PGBD5: variants seen among roughly 807,000 people sequenced by gnomAD.
PGBD5 encodes piggyBac transposable element derived 5, also known as piggyBac transposable element-derived protein 5.
Under a neutral mutation model 47.9 loss-of-function variants are expected in PGBD5, and 14 were observed. The ratio of observed to expected loss-of-function variants is 0.29; its 90% confidence interval spans 0.19 to 0.46. PGBD5 has a LOEUF of 0.46. Ranked by LOEUF, PGBD5 falls within the 20% of genes least tolerant of loss-of-function variation. PGBD5 has a pLI of 1.00. For synonymous variants in PGBD5, 316 were observed against 306.3 expected (o/e 1.03, Z -0.33); for missense variants, 635 against 716.0 (o/e 0.89, Z 1.29).
chr1:230,332,952 C>T lies in PGBD5; in HGVS notation c.1165G>A (p.Ala389Thr). ...SMLTNPATPP[A>T]RGQYQIKMKG... ...ATCTTGATTTGGTACTGGCCCCGGGCCGGGGGTGTGGCTGGGTTGGTCAGC... is the reference window on the plus strand; with the variant it reads ...ATCTTGATTTGGTACTGGCCCCGGGTCGGGGGTGTGGCTGGGTTGGTCAGC... Residue 389 changes from alanine (A) to threonine (T), a missense_variant, in exon 5 of 7, where the codon GCC (alanine) becomes ACC (threonine). Physicochemically the swap from Ala to Thr is moderately conservative, Grantham distance 58 (BLOSUM62 0). Transcript: ENST00000391860. 1 of 1,614,162 alleles carries T rather than the reference C, an allele frequency of 6.2e-7. No homozygotes were observed. Among genetic ancestry groups the T allele is most frequent in the Non-Finnish European group, 8.5e-7 (1 of 1,180,004 alleles).
intron 4 of PGBD5, 147 bp from the exon 5 acceptor site, chr1:230,333,188 G>A (rs1298657972): frequency 1.3e-6 from 1 of 777,510 alleles, no homozygotes; most frequent in East Asian, 2.7e-5. Context: ...GACCCCTCTA[G>A]AAGAGACTGC....
At chr1:230,345,744 G>C (rs76533671) in intron 3 of PGBD5, among the ~76,000 whole-genome samples, 1 of 152,238 alleles carries the variant, frequency 6.6e-6, no homozygotes, top group Non-Finnish European at 1.5e-5. Context: ...AGGCGATCAC[G>C]AGGGTAAACA....
At chr1:230,395,261 C>G (rs1323815972) in intron 1 of PGBD5, among the ~76,000 whole-genome samples, 1 of 42,488 alleles carries the variant, frequency 2.4e-5, no homozygotes, top group African/African-American at 1.2e-4. Flanking sequence ...TTCTCCCCCC[C>G]TCACGCTTCT....
chr1:230,363,290 G>A (rs544126869), intron 1 of PGBD5, among the ~76,000 whole-genome samples: 25 of 152,276 alleles, frequency 1.6e-4, no homozygotes, highest in African/African-American at 5.3e-4. Context: ...AGGAAGAAAA[G>A]GATGGCTTTG....
At chr1:230,372,876 C>T (rs1667950391) in intron 1 of PGBD5, among the ~76,000 whole-genome samples, 1 of 152,158 alleles carries the variant, frequency 6.6e-6, no homozygotes, top group African/African-American at 2.4e-5. Context: ...CCTCCCACCT[C>T]CTCCCCTGGC....
Position 230,333,019 on chromosome 1 carries a change from G to C in PGBD5, c.1098C>G (p.Leu366=). The C allele has an allele frequency of 6.2e-7, 1 of 1,603,812 alleles. No individual in the cohort carries two copies. Among genetic ancestry groups the C allele is most frequent in the Non-Finnish European group, 8.5e-7 (1 of 1,175,614 alleles). The change falls in exon 5 of 7, where the codon CTC becomes CTG. Residue 366 remains leucine, a synonymous_variant. Coordinates refer to ENST00000391860, the MANE Select transcript of PGBD5 (RefSeq NM_001258311.2). The part of the protein sequence containing the change: ...EKQGIYCCGL[L]RARKSDCTGL... Reference sequence around the variant, plus strand: ...CGGTGCAGTCACTCTTCCGCGCGCGGAGCAAGCCGCAGCAGTAAATCCCTG... The same window carrying C: ...CGGTGCAGTCACTCTTCCGCGCGCGCAGCAAGCCGCAGCAGTAAATCCCTG...
At chr1:230,377,767 T>C in intron 1 of PGBD5, 1 of 1,294,038 alleles carries the variant, frequency 7.7e-7, no homozygotes, top group Non-Finnish European at 1.0e-6. Flanking sequence ...TAAAGCACAG[T>C]GCAGCATCCG....
In PGBD5 at chr1:230,357,660, G is replaced by T. The variant is rs1432268969; in HGVS notation, c.332-339C>A. On this transcript the variant is annotated intron_variant, in intron 1 of 6. Coordinates refer to ENST00000391860, the MANE Select transcript of PGBD5 (RefSeq NM_001258311.2). This position sits in a 1 kb window ranked among gnomAD's most constrained non-coding sequence, Gnocchi z 5.7. Reference sequence around the variant, plus strand: ...ACACCAGACCGGAGGACAGCCCTCGGGGGGCGCAGTCACGTGGAATCCCTG... The same window carrying T: ...ACACCAGACCGGAGGACAGCCCTCGTGGGGCGCAGTCACGTGGAATCCCTG... 6.6e-6 allele frequency among the ~76,000 whole-genome samples: 1 copy of T among 152,190 alleles called. No individual in the cohort carries two copies. The highest frequency in any genetic ancestry group is 1.5e-5 in the Non-Finnish European group (1 of 68,050).
intron 3 of PGBD5, among the ~76,000 whole-genome samples, chr1:230,350,669 C>G (rs578211923): frequency 1.3e-5 from 2 of 152,170 alleles, no homozygotes; most frequent in Admixed American, 1.3e-4. Flanking sequence ...AACATTGCTA[C>G]GGCCTGAGCC....
At chr1:230,410,019 A>C (rs937127516) in intron 1 of PGBD5, among the ~76,000 whole-genome samples, 1 of 152,164 alleles carries the variant, frequency 6.6e-6, no homozygotes, top group African/African-American at 2.4e-5. Context: ...AATATATATA[A>C]ATTTATGCTG....
intron 1 of PGBD5, among the ~76,000 whole-genome samples, chr1:230,398,168 G>A (rs1347899959): frequency 6.6e-6 from 1 of 152,204 alleles, no homozygotes; most frequent in African/African-American, 2.4e-5. Context: ...TTCCTGTCTA[G>A]CCTTGCACGT....
At chr1:230,343,794 A>G (rs1667440385) in intron 3 of PGBD5, among the ~76,000 whole-genome samples, 1 of 152,276 alleles carries the variant, frequency 6.6e-6, no homozygotes, top group African/African-American at 2.4e-5. Flanking sequence ...TGAGTCAAAT[A>G]AGGAAAAAAA....
intron 1 of PGBD5, among the ~76,000 whole-genome samples, chr1:230,424,708 G>A (rs750206333): frequency 6.6e-6 from 1 of 152,250 alleles, no homozygotes; most frequent in Non-Finnish European, 1.5e-5. Flanking sequence ...GCAGGAGCAC[G>A]GGCCTGCTAC....
intron 2 of PGBD5, 74 bp from the exon 3 acceptor site, chr1:230,351,166 A>G (rs1667555746): frequency 6.8e-7 from 1 of 1,467,654 alleles, no homozygotes; most frequent in South Asian, 1.4e-5. Flanking sequence ...TTGGAGCTCA[A>G]ATTCAGCCTC....
rs112152619 is a variant in PGBD5 at position 230,355,557 on chromosome 1, G to A, written c.759+1337C>T. On this transcript the variant is annotated intron_variant, in intron 2 of 6. Coordinates refer to ENST00000391860, the MANE Select transcript of PGBD5 (RefSeq NM_001258311.2). ...AAGAAAAGACAATGTGCTCAGGCCCGTCCTTGGTACCACAGGGCCTGTTAC... is the reference window on the plus strand; with the variant it reads ...AAGAAAAGACAATGTGCTCAGGCCCATCCTTGGTACCACAGGGCCTGTTAC... Among the ~76,000 whole-genome samples, 36 of 152,298 alleles carry A rather than the reference G, an allele frequency of 2.4e-4. 1 individual carries two copies. The South Asian group carries it at 6.2e-3, about 26-fold the overall frequency.
At position 230,323,980 on chromosome 1, in the gene PGBD5, C is replaced by T. The variant is rs144113057; in HGVS notation, c.1380-360G>A. Among the ~76,000 whole-genome samples, 15 of 152,344 alleles carry T rather than the reference C, an allele frequency of 9.8e-5. No individual in the cohort carries two copies. In the South Asian group the frequency reaches 1.2e-3, roughly 13 times the overall value. On this transcript the variant is annotated intron_variant, in intron 6 of 6. Transcript: ENST00000391860. The surrounding 1 kb of genome is among the most constrained non-coding windows in gnomAD (Gnocchi z 4.1). ...GCTCCTTGCAAAGCTGTGCTCTGTA[C>T]GTGCTGTGCAGCTGACACTCCCCCA...
intron 6 of PGBD5, among the ~76,000 whole-genome samples, chr1:230,324,913 C>T (rs1444475886): frequency 1.3e-5 from 2 of 152,266 alleles, no homozygotes; most frequent in South Asian, 2.1e-4. Context: ...TAGAAGTGCC[C>T]GAGCTGATGC....
At chr1:230,400,077 C>T (rs12409745) in intron 1 of PGBD5, among the ~76,000 whole-genome samples, 4,079 of 152,350 alleles carry the variant, frequency 0.027, 103 homozygotes, top group Admixed American at 0.074. Flanking sequence ...GTTCTTCCCA[C>T]AGCCTGCAAG....
In PGBD5 at chr1:230,426,305, T is replaced by A. The variant is rs191821173; in HGVS notation, c.-377A>T. ...GCGCCCGCCGCCTCCCTGCCCGCCC[T>A]CTCCACGGCCTCCGGCGCTCGGCTG... On this transcript the variant is annotated 5_prime_UTR_variant, in exon 1 of 7. Transcript: ENST00000391860. The A allele has an allele frequency of 6.7e-6, 1 of 148,636 alleles. No individual in the cohort carries two copies. Among genetic ancestry groups the A allele is most frequent in the Admixed American group, 6.7e-5 (1 of 14,854 alleles). The allele number at this position is 148,636 out of a possible 1,614,324, so 9.2% of individuals were successfully genotyped here.
Sources: allele counts gnomAD v4.1 joint callset (sites outside exome capture counted in the v4.1 genomes callset), GRCh38; gene constraint gnomAD v4.1.1; non-coding constraint Gnocchi (gnomAD v3.1); transcripts MANE v1.5; gene names NCBI Gene and HGNC (gene_info 2026-07-23, HGNC 2026-07-21).